The following SRPK2 variants were observed in gnomAD, a reference collection of about 807,000 sequenced individuals.
SRPK2 encodes SFRS protein kinase 2.
A neutral mutation model predicts 90.8 loss-of-function variants in SRPK2; 21 were observed. The ratio of observed to expected loss-of-function variants is 0.23; its 90% CI spans 0.16 to 0.33. The LOEUF (loss-of-function observed/expected upper bound fraction) is 0.33, where lower values mean the gene tolerates loss of function less well. SRPK2 is among the 10% of genes least tolerant of loss of function. The pLI is 1.00. For synonymous variants in SRPK2, 288 were observed against 311.1 expected (o/e 0.93, Z 0.78); for missense variants, 620 against 869.0 (o/e 0.71, Z 3.60).
At chr7:105,316,130 T>C (rs1812286197) in intron 2 of SRPK2, among the ~76,000 whole-genome samples, 1 of 151,472 alleles carries the variant, frequency 6.6e-6, no homozygotes, top group Non-Finnish European at 1.5e-5. Context: ...GTTCAAGTGA[T>C]TCTCCTGCCT....
At chr7:105,366,900 C>T (rs1251137481) in intron 2 of SRPK2, among the ~76,000 whole-genome samples, 1 of 152,100 alleles carries the variant, frequency 6.6e-6, no homozygotes, top group Non-Finnish European at 1.5e-5. Flanking sequence ...GCATATCAAG[C>T]AATTTGACTT....
chr7:105,176,284 G>C (rs1227031125), intron 3 of SRPK2, among the ~76,000 whole-genome samples: 1 of 152,050 alleles, frequency 6.6e-6, no homozygotes, highest in Admixed American at 6.5e-5. Context: ...ATTCATTCTT[G>C]ATCACAATTC....
intron 2 of SRPK2, among the ~76,000 whole-genome samples, chr7:105,384,706 C>A (rs571318708): frequency 2.6e-5 from 4 of 152,208 alleles, no homozygotes; most frequent in Non-Finnish European, 5.9e-5. Flanking sequence ...CCTGTCAGAG[C>A]TGTCTGTAAA....
intron 2 of SRPK2, among the ~76,000 whole-genome samples, chr7:105,341,039 G>C (rs1320301134): frequency 2.0e-5 from 3 of 152,122 alleles, no homozygotes; most frequent in Non-Finnish European, 4.4e-5. Context: ...AAAGGCAATA[G>C]ATTTATCTCA....
At chr7:105,209,197 T>G (rs1322463164) in intron 2 of SRPK2, among the ~76,000 whole-genome samples, 1 of 152,202 alleles carries the variant, frequency 6.6e-6, no homozygotes, top group Non-Finnish European at 1.5e-5. Context: ...GGGTCCAAAG[T>G]TTAAACAAGG....
At chr7:105,176,887 G>A (rs1459167094) in intron 3 of SRPK2, among the ~76,000 whole-genome samples, 2 of 151,928 alleles carry the variant, frequency 1.3e-5, no homozygotes, top group African/African-American at 4.8e-5. Context: ...CGCCTGCCCC[G>A]GCCTCCCAAA....
intron 2 of SRPK2, among the ~76,000 whole-genome samples, chr7:105,265,259 A>G (rs892838446): frequency 6.6e-6 from 1 of 152,236 alleles, no homozygotes; most frequent in African/African-American, 2.4e-5. Context: ...AATAAAAAAT[A>G]AAATACAACA....
chr7:105,371,033 G>A (rs1189916366), intron 2 of SRPK2, among the ~76,000 whole-genome samples: 1 of 152,156 alleles, frequency 6.6e-6, no homozygotes, highest in Non-Finnish European at 1.5e-5. Flanking sequence ...TTTATCTAGT[G>A]AGGCTAAGAA....
At chr7:105,380,479 A>C (rs1820811147) in intron 2 of SRPK2, among the ~76,000 whole-genome samples, 1 of 151,910 alleles carries the variant, frequency 6.6e-6, no homozygotes, top group South Asian at 2.1e-4. Flanking sequence ...GTAAAAGAAT[A>C]ACACACCAAA....
chr7:105,269,368 C>T (rs567092068), intron 2 of SRPK2, among the ~76,000 whole-genome samples: 3 of 152,182 alleles, frequency 2.0e-5, no homozygotes, highest in East Asian at 1.9e-4. Context: ...ACCAGAACCC[C>T]GATGTATAGA....
chr7:105,329,206 C>A (rs1172204950), intron 2 of SRPK2, among the ~76,000 whole-genome samples: 3 of 152,002 alleles, frequency 2.0e-5, no homozygotes, highest in African/African-American at 7.2e-5. Context: ...TATTAGTCAT[C>A]TAATTTATTC....
chr7:105,179,941 CA>C (rs568749111), intron 3 of SRPK2, among the ~76,000 whole-genome samples: 20 of 149,788 alleles, frequency 1.3e-4, no homozygotes, highest in African/African-American at 4.2e-4. Context: ...AGAGATGATA[CA>C]AATGGAAAAA....
At chr7:105,265,591 G>A (rs1804949120) in intron 2 of SRPK2, among the ~76,000 whole-genome samples, 1 of 151,932 alleles carries the variant, frequency 6.6e-6, no homozygotes, top group Non-Finnish European at 1.5e-5. Context: ...GCTAAGAAAG[G>A]GCAAAATGAA....
At chr7:105,181,881 TAA>T (rs755821029) in intron 3 of SRPK2, among the ~76,000 whole-genome samples, 1 of 84,850 alleles carries the variant, frequency 1.2e-5, no homozygotes, top group African/African-American at 3.7e-5. Context: ...AAGATAAAAG[TAA>T]AAAAAAAAAA....
At chr7:105,253,908 CAAACA>C (rs1326144849) in intron 2 of SRPK2, among the ~76,000 whole-genome samples, 258 of 49,286 alleles carry the variant, frequency 5.2e-3, no homozygotes, top group Middle Eastern at 0.032. Flanking sequence ...AAAAAACAAA[CAAACA>C]AAAAAAAACA....
chr7:105,184,715 C>A (rs1377009324), intron 3 of SRPK2, among the ~76,000 whole-genome samples: 1 of 152,170 alleles, frequency 6.6e-6, no homozygotes, highest in Admixed American at 6.6e-5. Flanking sequence ...AAATATTTGA[C>A]TGACATTTTC....
intron 5 of SRPK2, among the ~76,000 whole-genome samples, 177 bp downstream of exon 5, chr7:105,167,831 G>A (rs1327309459): frequency 6.6e-6 from 1 of 151,944 alleles, no homozygotes; most frequent in Non-Finnish European, 1.5e-5. Context: ...GGCTGGTCTC[G>A]AACTCTTGAC....
chr7:105,227,237 A>G (rs1798823269), intron 2 of SRPK2, among the ~76,000 whole-genome samples: 1 of 152,222 alleles, frequency 6.6e-6, no homozygotes, highest in African/African-American at 2.4e-5. Context: ...ATATGGTTAC[A>G]TGAGTAAGTT....
chr7:105,248,435 T>TAAAAAAAAAAAAA (rs749982663), intron 2 of SRPK2, among the ~76,000 whole-genome samples: 1 of 109,658 alleles, frequency 9.1e-6, no homozygotes, highest in African/African-American at 3.4e-5. Context: ...TACAAAAAAT[T>TAAAAAAAAAAAAA]TAAAAAAAAA....
Sources: gnomAD v4.1 joint callset for allele counts (sites outside exome capture counted in the v4.1 genomes callset) on GRCh38, gnomAD v4.1.1 for gene constraint, MANE v1.5 for transcripts, NCBI Gene and HGNC (gene_info 2026-07-23, HGNC 2026-07-21) for gene names.